Variants in ARID5B observed in about 807,000 individuals in gnomAD.
ARID5B encodes AT-rich interaction domain 5B, also known as AT-rich interactive domain-containing protein 5B.
Under a neutral mutation model 97.2 loss-of-function variants are expected in ARID5B, and 13 were observed. The ratio of observed to expected loss-of-function variants is 0.13; its 90% CI spans 0.09 to 0.21. The LOEUF (loss-of-function observed/expected upper bound fraction) is 0.21, where lower values mean the gene tolerates loss of function less well. Among genes scored for constraint, ARID5B ranks in the 10% least tolerant of loss-of-function variants. The pLI is 1.00. For missense variants in ARID5B, 1,210 were observed against 1,465.3 expected (o/e 0.83, Z 2.84); for synonymous variants, 556 against 570.3 (o/e 0.97, Z 0.36).
chr10:61,982,738 G>A (rs1282091034), intron 3 of ARID5B, among the ~76,000 whole-genome samples: 2 of 152,180 alleles, frequency 1.3e-5, no homozygotes, highest in Admixed American at 1.3e-4. Context: ...GAGAAAGGTG[G>A]GAGGGTATTT....
Position 61,938,883 on chromosome 10 carries a change from GAA to G in ARID5B, c.277-1288_277-1287del, listed in dbSNP as rs55672929. ...TTTTAGATCCTACCTTAAAACATCA[GAA>G]AAAAAAAAAAACCCTCAACCCAGGG... is the stretch of plus-strand genomic sequence containing the variant. On this transcript the variant is annotated intron_variant, in intron 2 of 9. Transcript: ENST00000279873. Among the ~76,000 whole-genome samples the G allele has an allele frequency of 8.0e-4, 109 of 136,206 alleles. 1 individual carries two copies. The East Asian group carries it at 0.015, about 19-fold the overall frequency. The allele number at this position is 136,206 out of a possible 152,430, so 89.4% of individuals were successfully genotyped here.
chr10:62,028,321 T>G (rs1354410252), intron 4 of ARID5B, among the ~76,000 whole-genome samples: 1 of 152,168 alleles, frequency 6.6e-6, no homozygotes, highest in South Asian at 2.1e-4. Context: ...AAAATACTAG[T>G]TTGTAGTATT....
intron 4 of ARID5B, among the ~76,000 whole-genome samples, chr10:62,022,811 T>C (rs1157398873): frequency 1.3e-5 from 2 of 152,196 alleles, no homozygotes; most frequent in Non-Finnish European, 2.9e-5. Flanking sequence ...AAGCAAAATG[T>C]AAATTGAAAA....
At chr10:62,005,377 A>G (rs906175747) in intron 4 of ARID5B, among the ~76,000 whole-genome samples, 2 of 152,190 alleles carry the variant, frequency 1.3e-5, no homozygotes, top group Admixed American at 6.5e-5. Context: ...TGTTCACTTG[A>G]TTTTAAAAAA....
intron 2 of ARID5B, among the ~76,000 whole-genome samples, chr10:61,914,478 G>A (rs1327301340): frequency 6.6e-6 from 1 of 152,200 alleles, no homozygotes; most frequent in Non-Finnish European, 1.5e-5. Context: ...TAAGAAGGAA[G>A]AAGCAACTTG....
chr10:62,024,777 T>C (rs1370859393), intron 4 of ARID5B: 2 of 392,156 alleles, frequency 5.1e-6, no homozygotes, highest in East Asian at 7.2e-5. Context: ...ATTGATTGAG[T>C]TTCCACTAGA....
At chr10:62,070,197 T>G (rs1254536006) in intron 8 of ARID5B, among the ~76,000 whole-genome samples, 1 of 152,204 alleles carries the variant, frequency 6.6e-6, no homozygotes, top group Non-Finnish European at 1.5e-5. Flanking sequence ...AAAGTAAGGA[T>G]TTCTCATAGT....
At chr10:62,053,736 A>G (rs539744995) in intron 5 of ARID5B, among the ~76,000 whole-genome samples, 14 of 152,362 alleles carry the variant, frequency 9.2e-5, no homozygotes, top group African/African-American at 2.6e-4. Flanking sequence ...GGTGGTTTAT[A>G]TTCTAAAAGG....
intron 7 of ARID5B, among the ~76,000 whole-genome samples, chr10:62,065,059 T>C (rs7912117): frequency 0.78 from 119,017 of 152,108 alleles, 47,592 homozygotes; most frequent in Non-Finnish European, 0.87. Flanking sequence ...CAGGCGTGAG[T>C]CACCATGCCC....
At chr10:61,961,754 CT>C (rs1162406424) in intron 3 of ARID5B, among the ~76,000 whole-genome samples, 5 of 151,920 alleles carry the variant, frequency 3.3e-5, no homozygotes, top group Admixed American at 2.0e-4. Flanking sequence ...TTCTTTCTTT[CT>C]TTTTTTTCTG....
intron 7 of ARID5B, among the ~76,000 whole-genome samples, chr10:62,066,445 A>G (rs1288996208): frequency 2.6e-5 from 4 of 152,216 alleles, no homozygotes; most frequent in Non-Finnish European, 5.9e-5. Context: ...CATCCAGGCC[A>G]TTCAGTGGAA....
intron 4 of ARID5B, among the ~76,000 whole-genome samples, chr10:62,026,058 A>C (rs1839416732): frequency 6.6e-6 from 1 of 152,172 alleles, no homozygotes; most frequent in African/African-American, 2.4e-5. Context: ...TGGTGATACC[A>C]CTCATTTACC....
chr10:62,014,035 G>A (rs1195624812), intron 4 of ARID5B, among the ~76,000 whole-genome samples: 1 of 151,912 alleles, frequency 6.6e-6, no homozygotes, highest in Admixed American at 6.6e-5. Context: ...TCATAGTCTT[G>A]GCTATTGTGA....
chr10:62,042,046 A>G (rs1343794335), intron 4 of ARID5B, among the ~76,000 whole-genome samples: 1 of 152,240 alleles, frequency 6.6e-6, no homozygotes, highest in East Asian at 1.9e-4. Flanking sequence ...CAACCTTCAG[A>G]AATTGTGGAA....
rs1387102982 is a variant in ARID5B, at chr10:62,000,570, C to A, written c.733+249C>A. ...AATGTAGAGTCTGAAGTTGCTTGGTCGACCTTGAAATTGGACTTTAGGACA... is the reference window on the plus strand; with the variant it reads ...AATGTAGAGTCTGAAGTTGCTTGGTAGACCTTGAAATTGGACTTTAGGACA... On this transcript the variant is annotated intron_variant, in intron 4 of 9. Coordinates refer to ENST00000279873, the MANE Select transcript of ARID5B (RefSeq NM_032199.3). This position sits in a 1 kb window ranked among gnomAD's most constrained non-coding sequence, Gnocchi z 4.4. 6.6e-6 allele frequency among the ~76,000 whole-genome samples: 1 copy of A among 151,918 alleles called. No individual in the cohort carries two copies. The highest frequency in any genetic ancestry group is 1.5e-5 in the Non-Finnish European group (1 of 67,992).
chr10:61,969,203 T>C (rs1284793192), intron 3 of ARID5B, among the ~76,000 whole-genome samples: 2 of 152,204 alleles, frequency 1.3e-5, no homozygotes, highest in Admixed American at 1.3e-4. Context: ...AAGAGAACAA[T>C]GGCATTACTT....
Position 62,093,332 on chromosome 10 carries a change from A to G in ARID5B, c.*302A>G, listed in dbSNP as rs1296983538. 3.2e-6 allele frequency: 1 copy of G among 316,662 alleles called. No individual in the cohort carries two copies. 19.6% of individuals were successfully genotyped at this position (316,662 alleles called of 1,614,324 possible). Reference sequence around the variant, plus strand: ...ATTTGTGAATATCCAGGAAGAACTTAGAGGACCCCATCTGAGTTCGGATGG... The same window carrying G: ...ATTTGTGAATATCCAGGAAGAACTTGGAGGACCCCATCTGAGTTCGGATGG... On this transcript the variant is annotated 3_prime_UTR_variant, in exon 10 of 10. Coordinates refer to ENST00000279873, the MANE Select transcript of ARID5B (RefSeq NM_032199.3).
intron 3 of ARID5B, among the ~76,000 whole-genome samples, chr10:61,949,763 C>G (rs12257251): frequency 1.3e-5 from 2 of 152,206 alleles, no homozygotes; most frequent in Admixed American, 6.5e-5. Flanking sequence ...AGATTGCCAT[C>G]TGATGAGAAG....
intron 4 of ARID5B, among the ~76,000 whole-genome samples, chr10:62,024,168 A>G (rs972508730): frequency 6.6e-6 from 1 of 152,236 alleles, no homozygotes; most frequent in African/African-American, 2.4e-5. Context: ...CAGATAATCC[A>G]TGAGGCCCTG....
Sources: gnomAD v4.1 joint callset for allele counts (sites outside exome capture counted in the v4.1 genomes callset) on GRCh38, gnomAD v4.1.1 for gene constraint, Gnocchi (gnomAD v3.1) non-coding constraint, MANE v1.5 for transcripts, NCBI Gene and HGNC (gene_info 2026-07-23, HGNC 2026-07-21) for gene names.